LAMC1: variants seen among roughly 807,000 people sequenced by gnomAD.
LAMC1 encodes laminin subunit gamma 1, also known as laminin subunit gamma-1.
LAMC1 carries 38 observed loss-of-function variants against 173.6 expected under a neutral mutation model. The ratio of observed to expected loss-of-function variants is 0.22; its 90% confidence interval spans 0.17 to 0.29. The LOEUF (loss-of-function observed/expected upper bound fraction) is 0.29, where lower values mean the gene tolerates loss of function less well. Ranked by LOEUF, LAMC1 falls within the 10% of genes least tolerant of loss-of-function variation. The probability of loss-of-function intolerance (pLI) is 1.00; values close to 1 mark genes in which losing one functional copy is unlikely to be tolerated. For synonymous variants in LAMC1, 746 were observed against 749.1 expected (o/e 1.00, Z 0.07); for missense variants, 1,824 against 2,051.8 (o/e 0.89, Z 2.14).
chr1:183,136,319 C>A, intron 24 of LAMC1, 67 bp from the exon 25 acceptor site: 2 of 1,382,160 alleles, frequency 1.4e-6, no homozygotes, highest in Non-Finnish European at 2.0e-6. Flanking sequence ...CCAGTTGGAA[C>A]TCCCTGAAAG....
At chr1:183,135,890 C>CAAAAAA (rs34380430) in intron 24 of LAMC1, among the ~76,000 whole-genome samples, 1 of 104,090 alleles carries the variant, frequency 9.6e-6, no homozygotes. Flanking sequence ...CCTTGTCTCT[C>CAAAAAA]AAAAAAAAAA....
chr1:183,124,625 C>G lies in LAMC1; in HGVS notation c.2402-6C>G. On this transcript the variant is annotated splice_polypyrimidine_tract_variant and splice_region_variant and intron_variant, in intron 13 of 27. Transcript: ENST00000258341. The stretch of plus-strand genomic sequence containing the variant: ...CTTTCATAACATCAGATTGTCTCAT[C>G]CCCAGGTAAGAGATGTGAGCTCTGT... 6.2e-7 allele frequency: 1 copy of G among 1,614,078 alleles called. No individual in the cohort carries two copies. Among genetic ancestry groups the G allele is most frequent in the East Asian group, 2.2e-5 (1 of 44,890 alleles).
intron 5 of LAMC1, 51 bp downstream of exon 5, chr1:183,114,770 C>A (rs1656273701): frequency 1.3e-6 from 2 of 1,557,704 alleles, no homozygotes; most frequent in Non-Finnish European, 1.8e-6. Flanking sequence ...TCCGTGGACC[C>A]CCGGAAAGGA....
Position 183,127,352 on chromosome 1 carries a change from C to T in LAMC1, c.3071C>T (p.Ser1024Phe), listed in dbSNP as rs373954251. Residue 1024 changes from serine (S) to phenylalanine (F), a missense_variant, in exon 17 of 28, where the codon TCT becomes TTT. Physicochemically the swap from Ser to Phe is radical, Grantham distance 155 (BLOSUM62 -2). Transcript: ENST00000258341. Reference protein sequence around the residue: ...QCEENYFYNRSWPGCQECPAC... With the variant: ...QCEENYFYNRFWPGCQECPAC... The stretch of plus-strand genomic sequence containing the variant: ...GAAGAAAACTATTTCTACAATCGGT[C>T]TTGGCCTGGCTGCCAGGAATGTCCA... 2.5e-6 allele frequency: 4 copies of T among 1,614,020 alleles called. No homozygotes were observed. In the African/African-American group the frequency reaches 4.0e-5, roughly 16 times the overall value.
chr1:183,127,318 G>T lies in LAMC1; in HGVS notation c.3037G>T (p.Asp1013Tyr). The stretch of plus-strand genomic sequence containing the variant: ...AGAAGGCTTTGTGGGAAATCGCTGT[G>T]ACCAGTGTGAAGAAAACTATTTCTA... ...CREGFVGNRC[D>Y]QCEENYFYNR... The change falls in exon 17 of 28, where the codon GAC becomes TAC. Residue 1013 changes from aspartate (D) to tyrosine (Y), a missense_variant. By Grantham distance (160) the Asp-to-Tyr change is radical. Transcript: ENST00000258341. 1.2e-6 allele frequency: 2 copies of T among 1,614,130 alleles called. No homozygotes were observed. The highest frequency in any genetic ancestry group is 2.2e-5 in the South Asian group (2 of 91,040).
intron 1 of LAMC1, among the ~76,000 whole-genome samples, chr1:183,059,711 G>T (rs1654691988): frequency 6.6e-6 from 1 of 152,100 alleles, no homozygotes; most frequent in African/African-American, 2.4e-5. Flanking sequence ...AAAACAGAGG[G>T]GACACAAACG....
At chr1:183,135,517 C>T (rs1656913446) in intron 24 of LAMC1, among the ~76,000 whole-genome samples, 1 of 151,864 alleles carries the variant, frequency 6.6e-6, no homozygotes, top group Non-Finnish European at 1.5e-5. Flanking sequence ...ATTCACTGAG[C>T]AACTGTGAAT....
At chr1:183,108,472 C>G (rs1656051148) in intron 3 of LAMC1, 66 bp downstream of exon 3, 5 of 1,429,302 alleles carry the variant, frequency 3.5e-6, no homozygotes, top group Non-Finnish European at 4.8e-6. Context: ...AATCTAGCAA[C>G]TTGTTTACAA....
chr1:183,031,723 G>A (rs994883959), intron 1 of LAMC1, among the ~76,000 whole-genome samples: 1 of 152,082 alleles, frequency 6.6e-6, no homozygotes, highest in African/African-American at 2.4e-5. Flanking sequence ...TATTTTTACT[G>A]CTGAAAATTT....
intron 1 of LAMC1, among the ~76,000 whole-genome samples, chr1:183,047,970 C>T (rs890213914): frequency 3.3e-5 from 5 of 151,992 alleles, no homozygotes; most frequent in Non-Finnish European, 7.4e-5. Flanking sequence ...TTCACCAATT[C>T]GGAAGGCCCC....
At chr1:183,081,209 T>G (rs556215681) in intron 1 of LAMC1, among the ~76,000 whole-genome samples, 102 of 152,318 alleles carry the variant, frequency 6.7e-4, no homozygotes, top group African/African-American at 2.4e-3. Context: ...TTTAATACTT[T>G]TGAATGTAAA....
rs140649474 is a variant in LAMC1, at chr1:183,117,552, A to T, written c.1706A>T (p.Gln569Leu). The change falls in exon 10 of 28, where the codon CAG (glutamine) becomes CTG (leucine). Residue 569 changes from glutamine (Q) to leucine (L), a missense_variant. Transcript: ENST00000258341. ...ATTCCAGCAAAGTTCTTGGGCAAGC[A>T]GGTGTTGAGTTATGGTCAGAACCTC... ...FIAPAKFLGK[Q>L]VLSYGQNLSF... 2.0e-5 allele frequency: 33 copies of T among 1,613,862 alleles called. No homozygotes were observed. The highest frequency in any genetic ancestry group is 1.6e-4 in the Middle Eastern group (1 of 6,082).
Position 183,140,408 on chromosome 1 carries a change from C to A in LAMC1, c.4478C>A (p.Ser1493Ter). ...DQDMMMAGMA[S>*]QAAQEAEINA... ...TGCCTCATTTTTCCCTTACAGGCTT[C>A]ACAGGCTGCTCAAGAAGCCGAGATC... Residue 1493 changes from serine to a stop codon, truncating the protein, a stop_gained, in exon 27 of 28, where the codon TCA (serine) becomes TAA (stop). Coordinates refer to ENST00000258341, the MANE Select transcript of LAMC1 (RefSeq NM_002293.4). LOFTEE classifies it high-confidence loss of function. 6.2e-7 allele frequency: 1 copy of A among 1,610,694 alleles called. No individual in the cohort carries two copies. The highest frequency in any genetic ancestry group is 1.1e-5 in the South Asian group (1 of 90,938).
intron 1 of LAMC1, among the ~76,000 whole-genome samples, chr1:183,026,459 A>G (rs937159402): frequency 2.6e-5 from 4 of 152,068 alleles, no homozygotes; most frequent in Non-Finnish European, 4.4e-5. Flanking sequence ...TTCGATCAAC[A>G]ATTTATGACA....
At chr1:183,047,359 A>G (rs1654292729) in intron 1 of LAMC1, among the ~76,000 whole-genome samples, 1 of 152,148 alleles carries the variant, frequency 6.6e-6, no homozygotes, top group Non-Finnish European at 1.5e-5. Flanking sequence ...TCAATTACAG[A>G]GTGTGATAAA....
At chr1:183,055,484 A>C (rs1019152598) in intron 1 of LAMC1, among the ~76,000 whole-genome samples, 2 of 150,632 alleles carry the variant, frequency 1.3e-5, no homozygotes, top group Non-Finnish European at 3.0e-5. Flanking sequence ...AAAAAAAAAA[A>C]CCTACTTTAT....
Position 183,140,245 on chromosome 1 carries a change from C to CAAAAAAAAAAAAAAAAAAAAAA in LAMC1, c.4474-139_4474-138insAAAAAAAAAAAAAAAAAAAAAA, listed in dbSNP as rs56152259. On this transcript the variant is annotated intron_variant, in intron 26 of 27. Coordinates refer to ENST00000258341, the MANE Select transcript of LAMC1 (RefSeq NM_002293.4). ...ATATGAAGATATGCAGCAGCCCCAC[C>CAAAAAAAAAAAAAAAAAAAAAA]AAAAAAAAAAAAAAAAAAAAGCAAT... is the stretch of plus-strand genomic sequence containing the variant. Among the ~76,000 whole-genome samples the CAAAAAAAAAAAAAAAAAAAAAA allele has an allele frequency of 5.5e-4, 29 of 52,900 alleles. 1 individual carries two copies. Among genetic ancestry groups the CAAAAAAAAAAAAAAAAAAAAAA allele is most frequent in the African/African-American group, 1.6e-3 (23 of 14,122 alleles). 34.7% of individuals were successfully genotyped at this position (52,900 alleles called of 152,430 possible). A position where few individuals can be genotyped will look rare whatever the true frequency, so the allele number is the denominator to read the frequency against.
chr1:183,138,234 G>A, intron 26 of LAMC1: 1 of 970,016 alleles, frequency 1.0e-6, no homozygotes, highest in Non-Finnish European at 1.2e-6. Context: ...AGAAATTTTT[G>A]AAGATGGCAT....
chr1:183,140,654 C>T (rs1657088807), intron 27 of LAMC1, 151 bp downstream of exon 27: 2 of 434,338 alleles, frequency 4.6e-6, no homozygotes, highest in Non-Finnish European at 8.0e-6. Context: ...TTTCCTTTTG[C>T]TGTTGCTTAT....
Sources: allele counts gnomAD v4.1 joint callset (sites outside exome capture counted in the v4.1 genomes callset), GRCh38; gene constraint gnomAD v4.1.1; transcripts MANE v1.5; gene names NCBI Gene and HGNC (gene_info 2026-07-23, HGNC 2026-07-21).